NRG1: variants seen among roughly 807,000 people sequenced by gnomAD.
NRG1 encodes the protein pro-neuregulin-1, membrane-bound isoform.
In NRG1, 18 loss-of-function variants were observed where a neutral mutation model predicts 63.8. The ratio of observed to expected loss-of-function variants is 0.28; its 90% CI spans 0.19 to 0.42. The LOEUF (loss-of-function observed/expected upper bound fraction) is 0.42, where lower values mean the gene tolerates loss of function less well. Among genes scored for constraint, NRG1 ranks in the 10% least tolerant of loss-of-function variants. The pLI, the probability that NRG1 is intolerant of heterozygous loss-of-function variation, is 1.00. For synonymous variants in NRG1, 302 were observed against 301.3 expected (o/e 1.00, Z -0.02); for missense variants, 762 against 814.7 (o/e 0.94, Z 0.79).
intron 1 of NRG1, among the ~76,000 whole-genome samples, chr8:32,235,797 G>A (rs1272249276): frequency 1.3e-5 from 2 of 151,990 alleles, no homozygotes; most frequent in Non-Finnish European, 1.5e-5. Flanking sequence ...CTCAATTCAG[G>A]GCTAACAAAA....
chr8:32,318,917 A>C (rs1229279801), intron 1 of NRG1, among the ~76,000 whole-genome samples: 1 of 152,150 alleles, frequency 6.6e-6, no homozygotes, highest in Non-Finnish European at 1.5e-5. Context: ...AGTAAAATTC[A>C]ACTGACTCAG....
intron 1 of NRG1, among the ~76,000 whole-genome samples, chr8:31,675,041 A>G (rs1029159677): frequency 2.6e-5 from 4 of 152,172 alleles, no homozygotes; most frequent in African/African-American, 9.7e-5. Flanking sequence ...GCCACATCCC[A>G]TTAAAAGAAA....
At chr8:31,978,776 A>G (rs777739938) in intron 1 of NRG1, among the ~76,000 whole-genome samples, 23 of 152,132 alleles carry the variant, frequency 1.5e-4, no homozygotes, top group Non-Finnish European at 3.1e-4. Flanking sequence ...CATATATCCC[A>G]TGTATGTGAG....
rs1554511693 is a variant in NRG1 at position 32,337,682 on chromosome 8, A to AAAAAAAAAAAAAAAAAAAAT, written c.38-258146_38-258145insAAAAAAAAAAAAAAAAAAAT. Among the ~76,000 whole-genome samples the AAAAAAAAAAAAAAAAAAAAT allele has an allele frequency of 1.9e-4, 22 of 116,698 alleles. 2 individuals carry two copies. The highest frequency in any genetic ancestry group is 3.6e-4 in the Non-Finnish European group (19 of 52,590). The allele number at this position is 116,698 out of a possible 152,430, so 76.6% of individuals were successfully genotyped here. On this transcript the variant is annotated intron_variant, in intron 1 of 10. Coordinates refer to the NRG1 transcript ENST00000519301. ...AAAAAAAAAAAAAAAAAAAAAAAAAAGCTGATGCAGTTAGGAAAGGGAAGC... is the reference window on the plus strand; with the variant it reads ...AAAAAAAAAAAAAAAAAAAAAAAAAAAAAAAAAAAAAAAAAAAAATGCTGATGCAGTTAGGAAAGGGAAGC...
At chr8:32,076,296 G>T (rs1826534895) in intron 1 of NRG1, among the ~76,000 whole-genome samples, 1 of 152,086 alleles carries the variant, frequency 6.6e-6, no homozygotes, top group Admixed American at 6.6e-5. Flanking sequence ...TGGTTTTATT[G>T]ACCATTTTTG....
intron 1 of NRG1, among the ~76,000 whole-genome samples, chr8:31,689,740 G>A (rs1222566140): frequency 6.6e-6 from 1 of 152,042 alleles, no homozygotes; most frequent in Non-Finnish European, 1.5e-5. Context: ...GAACATTTGG[G>A]ATATATAAAT....
chr8:32,171,311 T>C (rs1029180501), intron 1 of NRG1: 2 of 152,194 alleles, frequency 1.3e-5, no homozygotes, highest in Non-Finnish European at 2.9e-5. Flanking sequence ...TGTGCCATGG[T>C]TGTTTGCTGC....
chr8:32,586,588 C>T (rs915504287), intron 1 of NRG1, among the ~76,000 whole-genome samples: 5 of 152,118 alleles, frequency 3.3e-5, no homozygotes, highest in Non-Finnish European at 7.4e-5. Flanking sequence ...AATCTACTGT[C>T]CTTCTCTCCA....
At chr8:32,602,462 G>C (rs531098838) in intron 2 of NRG1, among the ~76,000 whole-genome samples, 1 of 151,952 alleles carries the variant, frequency 6.6e-6, no homozygotes, top group Non-Finnish European at 1.5e-5. Flanking sequence ...GTCAAGAAAG[G>C]GGTCTTTACA....
chr8:31,847,939 G>T (rs1295548803), intron 1 of NRG1, among the ~76,000 whole-genome samples: 1 of 152,156 alleles, frequency 6.6e-6, no homozygotes, highest in Non-Finnish European at 1.5e-5. Flanking sequence ...TAAATAAAAG[G>T]TCTCATTTCT....
At chr8:32,655,643 C>T (rs1801306614) in intron 5 of NRG1, among the ~76,000 whole-genome samples, 1 of 152,064 alleles carries the variant, frequency 6.6e-6, no homozygotes, top group South Asian at 2.1e-4. Flanking sequence ...ATTTCTTGAG[C>T]CCAGTGTCAT....
chr8:32,407,790 G>A (rs1814299504), intron 1 of NRG1, among the ~76,000 whole-genome samples: 1 of 152,130 alleles, frequency 6.6e-6, no homozygotes, highest in Admixed American at 6.5e-5. Flanking sequence ...CTGATCATAA[G>A]GGAATTAGAA....
intron 1 of NRG1, among the ~76,000 whole-genome samples, chr8:31,812,858 T>C (rs1823025941): frequency 6.6e-6 from 1 of 152,212 alleles, no homozygotes; most frequent in South Asian, 2.1e-4. Flanking sequence ...AATTAATTTG[T>C]CTATTTATTC....
chr8:31,833,818 C>T (rs1160108966), intron 1 of NRG1, among the ~76,000 whole-genome samples: 1 of 151,988 alleles, frequency 6.6e-6, no homozygotes, highest in African/African-American at 2.4e-5. Flanking sequence ...CATTCCATAG[C>T]AGGTATAAGT....
chr8:32,613,926 G>C (rs1846836624), intron 3 of NRG1, among the ~76,000 whole-genome samples: 1 of 152,000 alleles, frequency 6.6e-6, no homozygotes, highest in Admixed American at 6.6e-5. Context: ...GAAGTATACA[G>C]GTTGGATTCA....
intron 5 of NRG1, among the ~76,000 whole-genome samples, chr8:32,617,309 T>G (rs1231879603): frequency 6.6e-6 from 1 of 152,204 alleles, no homozygotes; most frequent in East Asian, 1.9e-4. Flanking sequence ...TCATATAAAG[T>G]TAGCTGTGAT....
At chr8:31,826,531 C>T (rs1466862363) in intron 1 of NRG1, among the ~76,000 whole-genome samples, 1 of 152,182 alleles carries the variant, frequency 6.6e-6, no homozygotes, top group Non-Finnish European at 1.5e-5. Flanking sequence ...ATTGTGAGTC[C>T]ATTAATACTC....
intron 1 of NRG1, among the ~76,000 whole-genome samples, chr8:32,312,187 G>C (rs1856893979): frequency 9.5e-6 from 1 of 105,414 alleles, no homozygotes; most frequent in African/African-American, 3.6e-5. Flanking sequence ...TTTTGAGACA[G>C]AGGAGTCTCA....
chr8:31,851,764 C>T (rs1020098222), intron 1 of NRG1, among the ~76,000 whole-genome samples: 4 of 120,352 alleles, frequency 3.3e-5, no homozygotes, highest in Non-Finnish European at 6.7e-5. Flanking sequence ...CCCCCTCCCC[C>T]CACCCCACAA....
Sources: gnomAD v4.1 joint callset for allele counts (sites outside exome capture counted in the v4.1 genomes callset) on GRCh38, gnomAD v4.1.1 for gene constraint, MANE v1.5 for transcripts, NCBI Gene and HGNC (gene_info 2026-07-23, HGNC 2026-07-21) for gene names.